SLC6A17: variants seen among roughly 807,000 people sequenced by gnomAD.
SLC6A17 encodes the protein solute carrier family 6 member 17.
A neutral mutation model predicts 64.5 loss-of-function variants in SLC6A17; 21 were observed. That is an observed-to-expected ratio of 0.33 (90% CI 0.23 to 0.47). SLC6A17 has a LOEUF of 0.47. SLC6A17 is among the 20% of genes least tolerant of loss of function. SLC6A17 has a pLI of 1.00. For missense variants in SLC6A17, 682 were observed against 963.2 expected, an observed-to-expected ratio of 0.71 and a Z score of 3.86; for synonymous variants, 372 against 399.5, an observed-to-expected ratio of 0.93 and a Z score of 0.82.
At chr1:110,191,469 GTT>G (rs1656822241) in intron 6 of SLC6A17, among the ~76,000 whole-genome samples, 1 of 151,978 alleles carries the variant, frequency 6.6e-6, no homozygotes, top group East Asian at 1.9e-4. Context: ...GGCGGTTTGG[GTT>G]TTTTTTCCTT....
chr1:110,174,324 C>T (rs939006620), intron 4 of SLC6A17, among the ~76,000 whole-genome samples: 2 of 152,194 alleles, frequency 1.3e-5, no homozygotes, highest in Non-Finnish European at 2.9e-5. Flanking sequence ...CTCTGGAAAG[C>T]GTGACTTTAA....
chr1:110,158,429 T>C (rs1655816216), intron 1 of SLC6A17, among the ~76,000 whole-genome samples: 1 of 152,138 alleles, frequency 6.6e-6, no homozygotes. Flanking sequence ...CTCCAGGGCG[T>C]TGTGGGATGT....
chr1:110,197,169 CG>C (rs1656991015), intron 10 of SLC6A17, among the ~76,000 whole-genome samples: 1 of 152,208 alleles, frequency 6.6e-6, no homozygotes, highest in Non-Finnish European at 1.5e-5. Flanking sequence ...ATAAAACAGA[CG>C]TGCACCTGCC....
chr1:110,152,387 AGTTT>A (rs1418880942), intron 1 of SLC6A17, among the ~76,000 whole-genome samples: 3 of 152,070 alleles, frequency 2.0e-5, no homozygotes, highest in Non-Finnish European at 2.9e-5. Flanking sequence ...GATTGGAGTG[AGTTT>A]GTTTGGCCTG....
chr1:110,178,843 C>T (rs1656439435), intron 6 of SLC6A17: 2 of 152,248 alleles, frequency 1.3e-5, no homozygotes. Flanking sequence ...TAATCTATCA[C>T]ACTGAGTATT....
intron 6 of SLC6A17, among the ~76,000 whole-genome samples, chr1:110,186,820 CTG>C (rs1656698417): frequency 6.6e-6 from 1 of 152,214 alleles, no homozygotes; most frequent in African/African-American, 2.4e-5. Flanking sequence ...TTGACAAGAG[CTG>C]TGAGAGCTCA....
chr1:110,176,106 G>A (rs770022112), intron 5 of SLC6A17, among the ~76,000 whole-genome samples: 11 of 152,128 alleles, frequency 7.2e-5, no homozygotes, highest in Non-Finnish European at 1.3e-4. Flanking sequence ...CATGTACCAC[G>A]CACGCAGGGA....
rs1218698214 is a variant in SLC6A17 at position 110,172,055 on chromosome 1, C to T, written c.287-5C>T. On this transcript the variant is annotated splice_region_variant and splice_polypyrimidine_tract_variant and intron_variant, in intron 2 of 11. Coordinates refer to ENST00000331565, the MANE Select transcript of SLC6A17 (RefSeq NM_001010898.4). ...CCCTCTGCCATCCCTCTGCTCTCCC[C>T]ACAGGTGCTTACCTGGTGCCCTACC... 6.2e-7 allele frequency: 1 copy of T among 1,613,926 alleles called. No individual in the cohort carries two copies. Among genetic ancestry groups the T allele is most frequent in the East Asian group, 2.2e-5 (1 of 44,868 alleles).
At chr1:110,195,319 C>T (rs544644624) in intron 9 of SLC6A17, among the ~76,000 whole-genome samples, 6 of 152,232 alleles carry the variant, frequency 3.9e-5, no homozygotes, top group Non-Finnish European at 8.8e-5. Context: ...AAGTAGCGCA[C>T]CTGCCACGGG....
In SLC6A17 at chr1:110,197,364, G is replaced by C. The variant is rs926545528; in HGVS notation, c.1653-73G>C. 1.3e-5 allele frequency: 20 copies of C among 1,535,070 alleles called. 1 individual carries two copies. The Admixed American group carries it at 4.0e-4, about 31-fold the overall frequency. On this transcript the variant is annotated intron_variant, in intron 10 of 11. Coordinates refer to ENST00000331565, the MANE Select transcript of SLC6A17 (RefSeq NM_001010898.4). Reference sequence around the variant, plus strand: ...ACTGGGAAACGAAGACTTTCTGGAGGAGATGGTGATGGGGGAAGAGGGAGG... The same window carrying C: ...ACTGGGAAACGAAGACTTTCTGGAGCAGATGGTGATGGGGGAAGAGGGAGG...
chr1:110,172,969 C>T (rs952462332), intron 3 of SLC6A17, among the ~76,000 whole-genome samples: 17 of 152,268 alleles, frequency 1.1e-4, no homozygotes, highest in African/African-American at 3.9e-4. Context: ...TCTGCCAGGC[C>T]TGGCAGTAGG....
rs145972492 is a variant in SLC6A17 at position 110,197,506 on chromosome 1, C to T, written c.1722C>T (p.Phe574=). ...PYRFYFYMWK[F]VSPLCMAVLT... is the part of the protein sequence containing the mutation. ...GCTTCTATTTCTACATGTGGAAGTT[C>T]GTGTCTCCACTATGCATGGCTGTGC... Residue 574 remains phenylalanine, a synonymous_variant, in exon 11 of 12, where the codon TTC becomes TTT. Transcript: ENST00000331565. 24 of 1,613,682 alleles carry T rather than the reference C, an allele frequency of 1.5e-5. No individual in the cohort carries two copies. In the East Asian group the frequency reaches 2.0e-4, roughly 13 times the overall value.
At chr1:110,168,725 T>G (rs1275038255) in intron 2 of SLC6A17, among the ~76,000 whole-genome samples, 3 of 152,222 alleles carry the variant, frequency 2.0e-5, no homozygotes, top group Non-Finnish European at 2.9e-5. Flanking sequence ...ACTTCTAACC[T>G]TGTTCTTTCT....
chr1:110,196,193 A>G (rs1245112983), intron 10 of SLC6A17, among the ~76,000 whole-genome samples: 3 of 152,150 alleles, frequency 2.0e-5, no homozygotes, highest in Non-Finnish European at 4.4e-5. Flanking sequence ...ATTCAGCTCT[A>G]AGAAAGGATT....
intron 10 of SLC6A17, among the ~76,000 whole-genome samples, chr1:110,196,736 C>A (rs1035631610): frequency 1.6e-4 from 24 of 152,150 alleles, no homozygotes; most frequent in African/African-American, 5.6e-4. Context: ...TGCATTGTTA[C>A]AAGATCTAGC....
At chr1:110,196,745 G>A (rs1229874643) in intron 10 of SLC6A17, among the ~76,000 whole-genome samples, 1 of 152,168 alleles carries the variant, frequency 6.6e-6, no homozygotes, top group Non-Finnish European at 1.5e-5. Flanking sequence ...ACAAGATCTA[G>A]CTATAGATCT....
In SLC6A17 at chr1:110,192,486, C is replaced by T. The variant is rs1227428122; in HGVS notation, c.1107-20C>T. 1.2e-6 allele frequency: 2 copies of T among 1,602,078 alleles called. No individual in the cohort carries two copies. The highest frequency in any genetic ancestry group is 2.3e-5 in the South Asian group (2 of 88,374). The stretch of plus-strand genomic sequence containing the variant: ...CCCACCCCTGCCTTCTTACCTGGTC[C>T]TCTCGGTTTTGTGCTGCAGGAATGC... On this transcript the variant is annotated intron_variant, in intron 7 of 11. Coordinates refer to ENST00000331565, the MANE Select transcript of SLC6A17 (RefSeq NM_001010898.4). This position sits in a 1 kb window ranked among gnomAD's most constrained non-coding sequence, Gnocchi z 4.3.
rs570687081 is a variant in SLC6A17, at chr1:110,197,558, G to C, written c.1774G>C (p.Gly592Arg). The C allele has an allele frequency of 6.2e-7, 1 of 1,612,050 alleles. No homozygotes were observed. The highest frequency in any genetic ancestry group is 8.5e-7 in the Non-Finnish European group (1 of 1,179,166). ...VLTTASIIQL[G>R]VTPPGYSAWI... is the part of the protein sequence containing the mutation. ...CACCACAGCCAGCATCATCCAGCTGGGGGTCACGCCCCCGGGCTACAGCGC... is the reference window on the plus strand; with the variant it reads ...CACCACAGCCAGCATCATCCAGCTGCGGGTCACGCCCCCGGGCTACAGCGC... The change falls in exon 11 of 12, where the codon GGG (glycine) becomes CGG (arginine). Residue 592 changes from glycine to arginine, a missense_variant. Gly to Arg is a moderately radical substitution (Grantham distance 125). Around this residue, in one of 3 missense-constraint regions of SLC6A17, gnomAD observed 264 missense variants for 339.5 expected, o/e 0.78. Transcript: ENST00000331565.
chr1:110,160,827 C>T (rs1655886361), intron 1 of SLC6A17, among the ~76,000 whole-genome samples: 1 of 152,136 alleles, frequency 6.6e-6, no homozygotes, highest in South Asian at 2.1e-4. Flanking sequence ...CCTTGGGCTC[C>T]CTTCAGTAGG....
Sources: allele counts gnomAD v4.1 joint callset (sites outside exome capture counted in the v4.1 genomes callset), GRCh38; gene constraint gnomAD v4.1.1; regional missense constraint gnomAD v4.1.1; non-coding constraint Gnocchi (gnomAD v3.1); transcripts MANE v1.5; gene names NCBI Gene and HGNC (gene_info 2026-07-23, HGNC 2026-07-21).